The following GLI2 variants were observed in gnomAD, a reference collection of about 807,000 sequenced individuals.
The protein encoded by GLI2 is transcription activator GLI2.
In GLI2, 22 loss-of-function variants were observed where a neutral mutation model predicts 78.9. That is an observed-to-expected ratio of 0.28 (90% CI 0.20 to 0.40). The LOEUF is 0.40. GLI2 is among the 10% of genes least tolerant of loss of function. GLI2 has a pLI of 1.00. For missense variants in GLI2, 2,097 were observed against 2,213.2 expected, an observed-to-expected ratio of 0.95 and a Z score of 1.05; for synonymous variants, 974 against 963.7, an observed-to-expected ratio of 1.01 and a Z score of -0.20.
chr2:120,943,998 C>T (rs1309119497), intron 3 of GLI2, among the ~76,000 whole-genome samples: 1 of 152,206 alleles, frequency 6.6e-6, no homozygotes, highest in Admixed American at 6.5e-5. Context: ...TCCTCCCCAG[C>T]CCTCAAAGTC....
At chr2:120,945,491 TG>T (rs1680665018) in intron 3 of GLI2, among the ~76,000 whole-genome samples, 1 of 152,200 alleles carries the variant, frequency 6.6e-6, no homozygotes, top group African/African-American at 2.4e-5. Context: ...CACTTATGGC[TG>T]GGGTCTGCCT....
chr2:120,887,716 A>G (rs1227638815), intron 2 of GLI2, among the ~76,000 whole-genome samples: 3 of 152,204 alleles, frequency 2.0e-5, no homozygotes, highest in South Asian at 4.1e-4. Context: ...CTGGGCCACA[A>G]TTTGCATTCA....
chr2:120,912,261 T>A (rs1384881854), intron 2 of GLI2, among the ~76,000 whole-genome samples: 1 of 150,722 alleles, frequency 6.6e-6, no homozygotes, highest in Non-Finnish European at 1.5e-5. Context: ...ATCAAAATAT[T>A]GTTTTGCAAG....
rs79555143 is a variant in GLI2, at chr2:120,891,106, A to G, written c.149-36255A>G. Among the ~76,000 whole-genome samples, 22 of 152,296 alleles carry G rather than the reference A, an allele frequency of 1.4e-4. No homozygotes were observed. The East Asian group carries it at 4.3e-3, about 29-fold the overall frequency. ...GAAATGAAAAGATGGACCTTTCAGC[A>G]TCAGGGAGCTGATGGCTGGTGGGGA... On this transcript the variant is annotated intron_variant, in intron 2 of 13. Transcript: ENST00000361492.
intron 2 of GLI2, among the ~76,000 whole-genome samples, chr2:120,850,236 A>T (rs1398517521): frequency 6.6e-6 from 1 of 152,224 alleles, no homozygotes; most frequent in Non-Finnish European, 1.5e-5. Flanking sequence ...TAGACATGTG[A>T]TTGTAAAATT....
At chr2:120,764,435 T>TTAA (rs1558784943) in intron 1 of GLI2, among the ~76,000 whole-genome samples, 1 of 152,014 alleles carries the variant, frequency 6.6e-6, no homozygotes, top group Non-Finnish European at 1.5e-5. Flanking sequence ...TTTAATCTTT[T>TTAA]AAAAAAAAGA....
At chr2:120,839,994 T>C (rs572594815) in intron 2 of GLI2, among the ~76,000 whole-genome samples, 127 of 152,364 alleles carry the variant, frequency 8.3e-4, no homozygotes, top group African/African-American at 3.0e-3. Flanking sequence ...CTTTCTTTCT[T>C]AGGTGTGCTT....
chr2:120,818,744 A>G (rs964987493), intron 2 of GLI2, among the ~76,000 whole-genome samples: 3 of 152,210 alleles, frequency 2.0e-5, no homozygotes, highest in African/African-American at 7.2e-5. Flanking sequence ...TCAAGGCCAA[A>G]TTCAGTAGTC....
At chr2:120,925,279 T>C (rs987457278) in intron 2 of GLI2, among the ~76,000 whole-genome samples, 12 of 152,230 alleles carry the variant, frequency 7.9e-5, no homozygotes, top group African/African-American at 2.9e-4. Flanking sequence ...GATTTGCTTT[T>C]TGTTTTTCCT....
chr2:120,828,522 A>G (rs534998706), intron 2 of GLI2, among the ~76,000 whole-genome samples: 1 of 152,292 alleles, frequency 6.6e-6, no homozygotes, highest in South Asian at 2.1e-4. Context: ...TAAAGGTTTT[A>G]TATTTTTCCT....
chr2:120,926,854 G>T (rs561367908), intron 2 of GLI2, among the ~76,000 whole-genome samples: 1 of 152,368 alleles, frequency 6.6e-6, no homozygotes, highest in Admixed American at 6.5e-5. Context: ...CGGGACAGCA[G>T]TTGGGTGGGA....
At chr2:120,934,549 TG>T (rs1024452782) in intron 3 of GLI2, among the ~76,000 whole-genome samples, 5 of 152,222 alleles carry the variant, frequency 3.3e-5, no homozygotes, top group African/African-American at 1.2e-4. Flanking sequence ...GGGCTCTTGC[TG>T]GCACAGATGG....
intron 12 of GLI2, among the ~76,000 whole-genome samples, chr2:120,985,935 G>C (rs1379580672): frequency 6.6e-6 from 1 of 152,162 alleles, no homozygotes; most frequent in Non-Finnish European, 1.5e-5. Context: ...ACCTCATCAG[G>C]GTACATGGCT....
rs184528167 is a variant in GLI2, at chr2:120,826,102, G to T, written c.148+28634G>T. Among the ~76,000 whole-genome samples the T allele has an allele frequency of 2.0e-5, 3 of 152,144 alleles. No homozygotes were observed. The East Asian group carries it at 5.8e-4, about 29-fold the overall frequency. On this transcript the variant is annotated intron_variant, in intron 2 of 13. Transcript: ENST00000361492. ...CGTGGCCAGGCTCTGTCCAGAGACA[G>T]CTGCGAGGCTTCCAACCCGGCTGGG...
chr2:120,908,232 G>T (rs1160918653), intron 2 of GLI2, among the ~76,000 whole-genome samples: 37 of 152,208 alleles, frequency 2.4e-4, no homozygotes, highest in African/African-American at 8.0e-4. Flanking sequence ...GCACTCAGCC[G>T]TGCTTGGCTT....
chr2:120,760,187 GTC>G lies in GLI2; in HGVS notation c.-31+23906_-31+23907del, dbSNP rs1683171742. Among the ~76,000 whole-genome samples, 4 of 152,308 alleles carry G rather than the reference GTC, an allele frequency of 2.6e-5. No homozygotes were observed. The East Asian group carries it at 7.7e-4, about 29-fold the overall frequency. ...CTGGCCCCCGTGGGCCTCAGTTCCT[GTC>G]TCTGTCTGATGAATGGGATGTGTTA... On this transcript the variant is annotated intron_variant, in intron 1 of 13. Coordinates refer to ENST00000361492, the MANE Select transcript of GLI2 (RefSeq NM_001374353.1).
At chr2:120,940,206 C>T (rs1573638522) in intron 3 of GLI2, among the ~76,000 whole-genome samples, 1 of 152,226 alleles carries the variant, frequency 6.6e-6, no homozygotes, top group African/African-American at 2.4e-5. Context: ...TATCCTCTCC[C>T]AGTTCGTGCC....
Position 120,990,697 on chromosome 2 carries a change from A to C in GLI2, c.*22A>C. 1 of 1,599,340 alleles carries C rather than the reference A, an allele frequency of 6.3e-7. No homozygotes were observed. Among genetic ancestry groups the C allele is most frequent in the East Asian group, 2.2e-5 (1 of 44,746 alleles). On this transcript the variant is annotated 3_prime_UTR_variant, in exon 14 of 14. Transcript: ENST00000361492. ...CTAGAGGCCCGAGCGCCTGGTGCTG[A>C]GTGCACCCGGAGGGGTCATCGCTGC...
At chr2:120,778,842 G>A (rs773818318) in intron 1 of GLI2, among the ~76,000 whole-genome samples, 10 of 152,180 alleles carry the variant, frequency 6.6e-5, no homozygotes, top group African/African-American at 1.2e-4. Flanking sequence ...ATATGCTTCC[G>A]GCTTTGCCAG....
Sources: allele counts gnomAD v4.1 joint callset (sites outside exome capture counted in the v4.1 genomes callset), GRCh38; gene constraint gnomAD v4.1.1; transcripts MANE v1.5; gene names NCBI Gene and HGNC (gene_info 2026-07-23, HGNC 2026-07-21).